The following MTUS2 variants were observed in gnomAD, a reference collection of about 807,000 sequenced individuals.
MTUS2 encodes the protein microtubule associated scaffold protein 2, also known as microtubule-associated tumor suppressor candidate 2.
Under a neutral mutation model 114.1 loss-of-function variants are expected in MTUS2, and 40 were observed. That is an observed-to-expected ratio of 0.35 (90% confidence interval 0.27 to 0.46). MTUS2 has a LOEUF of 0.46. Ranked by LOEUF, MTUS2 falls within the 20% of genes least tolerant of loss-of-function variation. The probability of loss-of-function intolerance (pLI) is 1.00; values close to 1 mark genes in which losing one functional copy is unlikely to be tolerated. For synonymous variants in MTUS2, 688 were observed against 672.0 expected (o/e 1.02, Z -0.37); for missense variants, 1,679 against 1,705.4 (o/e 0.98, Z 0.27).
intron 2 of MTUS2, among the ~76,000 whole-genome samples, chr13:28,853,327 T>C (rs1289353175): frequency 6.6e-6 from 1 of 152,274 alleles, no homozygotes; most frequent in Non-Finnish European, 1.5e-5. Flanking sequence ...AGTGATCTCT[T>C]GTTCTCCATG....
chr13:29,415,907 G>C (rs1393286965), intron 8 of MTUS2, among the ~76,000 whole-genome samples: 1 of 151,626 alleles, frequency 6.6e-6, no homozygotes, highest in Non-Finnish European at 1.5e-5. Flanking sequence ...TGAGCACCTA[G>C]CTTGCCAGAT....
At chr13:29,179,338 TG>T (rs1354140332) in intron 5 of MTUS2, among the ~76,000 whole-genome samples, 1 of 152,168 alleles carries the variant, frequency 6.6e-6, no homozygotes, top group African/African-American at 2.4e-5. Context: ...CCAAAGGAAA[TG>T]TATGGAAATG....
chr13:29,428,982 C>G (rs970098394), intron 8 of MTUS2: 1 of 1,349,288 alleles, frequency 7.4e-7, no homozygotes, highest in Non-Finnish European at 1.1e-6. Context: ...CGGTGCCTGT[C>G]CCCCTAGCAT....
intron 5 of MTUS2, among the ~76,000 whole-genome samples, chr13:29,118,101 C>G (rs1891164813): frequency 6.6e-6 from 1 of 152,100 alleles, no homozygotes. Context: ...TGTTCTCTGC[C>G]TGGAGCCTGG....
chr13:29,461,914 T>A (rs948528867), intron 9 of MTUS2, among the ~76,000 whole-genome samples: 4 of 152,204 alleles, frequency 2.6e-5, no homozygotes, highest in Admixed American at 2.6e-4. Flanking sequence ...CTGATGCTCA[T>A]GTCTCTGAGC....
chr13:28,894,792 A>G (rs1326713022), intron 2 of MTUS2, among the ~76,000 whole-genome samples: 2 of 152,230 alleles, frequency 1.3e-5, no homozygotes, highest in East Asian at 3.9e-4. Flanking sequence ...CTTAAGAATC[A>G]GTAAAATCTT....
chr13:29,204,236 G>C (rs980205363), intron 5 of MTUS2, among the ~76,000 whole-genome samples: 2 of 152,172 alleles, frequency 1.3e-5, no homozygotes, highest in Admixed American at 1.3e-4. Context: ...AGGATTACAG[G>C]CATTAACCAC....
intron 2 of MTUS2, among the ~76,000 whole-genome samples, chr13:29,004,214 A>G (rs553120280): frequency 2.0e-5 from 3 of 152,122 alleles, no homozygotes; most frequent in Admixed American, 2.0e-4. Context: ...GCATGCATGC[A>G]TGCATGTACA....
chr13:29,188,502 A>G (rs1169598614), intron 5 of MTUS2, among the ~76,000 whole-genome samples: 2 of 152,132 alleles, frequency 1.3e-5, no homozygotes, highest in Non-Finnish European at 1.5e-5. Flanking sequence ...TTGCACATCC[A>G]AATTGTTTTA....
chr13:29,320,360 T>G (rs903867937), intron 6 of MTUS2, among the ~76,000 whole-genome samples: 3 of 152,210 alleles, frequency 2.0e-5, no homozygotes, highest in African/African-American at 7.2e-5. Context: ...GAGCCTGATT[T>G]CAGACTTCTG....
chr13:29,138,277 G>A (rs142477909), intron 5 of MTUS2, among the ~76,000 whole-genome samples: 12 of 152,140 alleles, frequency 7.9e-5, no homozygotes, highest in African/African-American at 2.9e-4. Context: ...GAAGTTGTAA[G>A]CCTTCAATAG....
intron 4 of MTUS2, among the ~76,000 whole-genome samples, chr13:29,092,546 G>A (rs1022789742): frequency 2.0e-5 from 3 of 152,118 alleles, no homozygotes; most frequent in African/African-American, 7.2e-5. Flanking sequence ...ATTCATCTTG[G>A]ATGTGGGACA....
At chr13:28,974,830 C>A (rs1276415674) in intron 2 of MTUS2, among the ~76,000 whole-genome samples, 1 of 152,124 alleles carries the variant, frequency 6.6e-6, no homozygotes. Flanking sequence ...CAAAATGCCA[C>A]ATAGCTAATT....
At chr13:29,377,758 T>C (rs367675772) in intron 8 of MTUS2, among the ~76,000 whole-genome samples, 1 of 151,822 alleles carries the variant, frequency 6.6e-6, no homozygotes, top group East Asian at 1.9e-4. Flanking sequence ...GGAAAGGAAA[T>C]GAAGATAGGA....
intron 2 of MTUS2, among the ~76,000 whole-genome samples, chr13:28,881,352 AT>A (rs533209368): frequency 5.7e-4 from 85 of 149,080 alleles, no homozygotes; most frequent in East Asian, 2.0e-4. Flanking sequence ...TATGTACCAC[AT>A]TTTTTTTTTC....
At chr13:29,174,006 T>G (rs553622701) in intron 5 of MTUS2, among the ~76,000 whole-genome samples, 3 of 152,146 alleles carry the variant, frequency 2.0e-5, no homozygotes, top group African/African-American at 7.2e-5. Context: ...CTACACCCTG[T>G]AGAAGGCATA....
At chr13:29,175,645 A>G (rs1893741342) in intron 5 of MTUS2, among the ~76,000 whole-genome samples, 3 of 152,206 alleles carry the variant, frequency 2.0e-5, no homozygotes, top group African/African-American at 7.2e-5. Flanking sequence ...GATCTCACTA[A>G]TGATTGCTTT....
chr13:29,077,988 C>T (rs1204306246), intron 4 of MTUS2, among the ~76,000 whole-genome samples: 1 of 151,962 alleles, frequency 6.6e-6, no homozygotes, highest in African/African-American at 2.4e-5. Flanking sequence ...CTGGTTTTTT[C>T]AAAGGATTTA....
At position 28,949,672 on chromosome 13, in the gene MTUS2, C is replaced by A. The variant is rs77961558; in HGVS notation, c.-242-74785C>A. On this transcript the variant is annotated intron_variant, in intron 2 of 15. Transcript: ENST00000612955. Reference sequence around the variant, plus strand: ...TTCTACTCTGTCTCTATGAATATGACTGCTCTGGTACCTTATGTAGGTAGA... The same window carrying A: ...TTCTACTCTGTCTCTATGAATATGAATGCTCTGGTACCTTATGTAGGTAGA... Among the ~76,000 whole-genome samples the A allele has an allele frequency of 5.4e-4, 83 of 152,306 alleles. 4 individuals carry two copies. The East Asian group carries it at 0.011, about 20-fold the overall frequency.
Sources: allele counts gnomAD v4.1 joint callset (sites outside exome capture counted in the v4.1 genomes callset), GRCh38; gene constraint gnomAD v4.1.1; transcripts MANE v1.5; gene names NCBI Gene and HGNC (gene_info 2026-07-23, HGNC 2026-07-21).